NBEA: variants seen among roughly 807,000 people sequenced by gnomAD.
NBEA encodes neurobeachin.
NBEA carries 44 observed loss-of-function variants against 343.4 expected under a neutral mutation model. That is an observed-to-expected ratio of 0.13 (90% CI 0.10 to 0.16). NBEA has a LOEUF of 0.16. Among genes scored for constraint, NBEA ranks in the 10% least tolerant of loss-of-function variants. The pLI is 1.00. For synonymous variants in NBEA, 1,175 were observed against 1,238.7 expected (o/e 0.95, Z 1.08); for missense variants, 2,555 against 3,631.3 (o/e 0.70, Z 7.62).
chr13:35,266,246 A>G (rs1276447132), intron 34 of NBEA, among the ~76,000 whole-genome samples: 1 of 151,926 alleles, frequency 6.6e-6, no homozygotes, highest in Non-Finnish European at 1.5e-5. Flanking sequence ...CGGGAATGTG[A>G]ATTAGGATAG....
At chr13:35,472,699 G>A (rs1005734053) in intron 41 of NBEA, among the ~76,000 whole-genome samples, 163 bp downstream of exon 41, 7 of 152,176 alleles carry the variant, frequency 4.6e-5, no homozygotes, top group African/African-American at 1.7e-4. Context: ...TGGAATTGAA[G>A]AATATATTAA....
At chr13:35,284,051 G>A (rs2035253421) in intron 34 of NBEA, among the ~76,000 whole-genome samples, 1 of 151,830 alleles carries the variant, frequency 6.6e-6, no homozygotes, top group Non-Finnish European at 1.5e-5. Context: ...CTTGGGATGA[G>A]TAAATAGTTT....
chr13:35,258,745 G>T (rs2032911050), intron 34 of NBEA, among the ~76,000 whole-genome samples: 1 of 152,092 alleles, frequency 6.6e-6, no homozygotes, highest in African/African-American at 2.4e-5. Context: ...TATGATATCT[G>T]TACAGGCAGT....
intron 39 of NBEA, among the ~76,000 whole-genome samples, chr13:35,444,588 T>A (rs1404116981): frequency 6.6e-6 from 1 of 152,054 alleles, no homozygotes; most frequent in South Asian, 2.1e-4. Flanking sequence ...GTTCAACAGA[T>A]TCCTGAATGT....
intron 38 of NBEA, among the ~76,000 whole-genome samples, chr13:35,367,420 A>G (rs957897742): frequency 2.0e-5 from 3 of 151,350 alleles, no homozygotes; most frequent in Admixed American, 1.3e-4. Flanking sequence ...TAGACAATTG[A>G]GCCCCAGGAA....
chr13:34,993,989 A>G (rs1208676687), intron 1 of NBEA, among the ~76,000 whole-genome samples: 1 of 151,806 alleles, frequency 6.6e-6, no homozygotes, highest in African/African-American at 2.4e-5. Context: ...CTTGAGGTCA[A>G]GAGCTCAAGA....
chr13:35,493,429 T>C (rs1444765617), intron 41 of NBEA, among the ~76,000 whole-genome samples: 2 of 151,994 alleles, frequency 1.3e-5, no homozygotes, highest in Non-Finnish European at 2.9e-5. Flanking sequence ...TAACATTCCA[T>C]ATGAAAGTGT....
At chr13:35,416,668 G>T (rs1359874200) in intron 38 of NBEA, among the ~76,000 whole-genome samples, 1 of 152,104 alleles carries the variant, frequency 6.6e-6, no homozygotes, top group African/African-American at 2.4e-5. Context: ...TTGCATCAAT[G>T]TTCATCAAGG....
chr13:35,344,196 A>C (rs1171997870), intron 36 of NBEA, among the ~76,000 whole-genome samples: 2 of 152,144 alleles, frequency 1.3e-5, no homozygotes, highest in African/African-American at 4.8e-5. Context: ...AGAAACATAA[A>C]AAGTATTTAG....
At chr13:35,569,079 A>T (rs2080273348) in intron 45 of NBEA, among the ~76,000 whole-genome samples, 1 of 152,220 alleles carries the variant, frequency 6.6e-6, no homozygotes, top group Non-Finnish European at 1.5e-5. Flanking sequence ...AGCTAATGCT[A>T]TGTATATGAC....
chr13:35,090,947 C>A (rs2065049557), intron 10 of NBEA, among the ~76,000 whole-genome samples: 1 of 151,948 alleles, frequency 6.6e-6, no homozygotes, highest in Non-Finnish European at 1.5e-5. Flanking sequence ...TTTATTATCC[C>A]CTAACATGAA....
At chr13:35,255,186 G>C (rs1041633448) in intron 34 of NBEA, among the ~76,000 whole-genome samples, 1 of 152,202 alleles carries the variant, frequency 6.6e-6, no homozygotes, top group African/African-American at 2.4e-5. Context: ...CCCACTGAAT[G>C]GTTATACTTA....
intron 36 of NBEA, among the ~76,000 whole-genome samples, chr13:35,321,293 G>C (rs1594207501): frequency 6.6e-6 from 1 of 152,232 alleles, no homozygotes; most frequent in East Asian, 1.9e-4. Context: ...CGTCCTTTTT[G>C]TTGATGTGGA....
intron 35 of NBEA, among the ~76,000 whole-genome samples, chr13:35,304,331 C>CTGTGTGTG (rs375468846): frequency 1.9e-3 from 284 of 148,990 alleles, no homozygotes; most frequent in African/African-American, 3.8e-3. Context: ...AAGCAATTCT[C>CTGTGTGTG]TGTGTGTGTG....
chr13:35,432,486 A>C lies in NBEA; in HGVS notation c.6304+93A>C, dbSNP rs1275652783. The C allele has an allele frequency of 4.3e-6, 5 of 1,154,974 alleles. No individual in the cohort carries two copies. In the African/African-American group the frequency reaches 6.2e-5, roughly 14 times the overall value. The allele number at this position is 1,154,974 out of a possible 1,614,324, so 71.5% of individuals were successfully genotyped here. A position where few individuals can be genotyped will look rare whatever the true frequency, so the allele number is the denominator to read the frequency against. On this transcript the variant is annotated intron_variant, in intron 39 of 58. Transcript: ENST00000379939. The stretch of plus-strand genomic sequence containing the variant: ...CCTTCTTTTTTTTTCGCTAGTATTT[A>C]ATGTTCTCCATGTCTTGAGTCAGAA...
chr13:34,972,808 T>C (rs2060041929), intron 1 of NBEA, among the ~76,000 whole-genome samples: 1 of 152,198 alleles, frequency 6.6e-6, no homozygotes. Context: ...GCCTGGTTTT[T>C]GTTCATATTC....
chr13:35,342,500 C>A (rs988487311), intron 36 of NBEA, among the ~76,000 whole-genome samples: 18 of 152,006 alleles, frequency 1.2e-4, no homozygotes, highest in African/African-American at 4.3e-4. Context: ...ATAAGAAAAT[C>A]TCATAATGAC....
chr13:35,129,737 A>C (rs553532145), intron 17 of NBEA, among the ~76,000 whole-genome samples: 6 of 152,106 alleles, frequency 3.9e-5, no homozygotes, highest in African/African-American at 1.4e-4. Flanking sequence ...AAAATTGATG[A>C]AAGACCTGAT....
intron 40 of NBEA, among the ~76,000 whole-genome samples, chr13:35,456,593 T>A (rs1368531002): frequency 6.6e-6 from 1 of 152,042 alleles, no homozygotes; most frequent in South Asian, 2.1e-4. Context: ...CTATTTTAAT[T>A]TGAAATTTAG....
Sources: allele counts gnomAD v4.1 joint callset (sites outside exome capture counted in the v4.1 genomes callset), GRCh38; gene constraint gnomAD v4.1.1; transcripts MANE v1.5; gene names NCBI Gene and HGNC (gene_info 2026-07-23, HGNC 2026-07-21).